Variants in PTPRS observed in about 807,000 individuals in gnomAD.
The protein encoded by PTPRS is protein tyrosine phosphatase receptor type S.
In PTPRS, 63 loss-of-function variants were observed where a neutral mutation model predicts 215.3. The observed-to-expected ratio is 0.29, with a 90% CI of 0.24 to 0.36. The LOEUF (loss-of-function observed/expected upper bound fraction) is 0.36. Ranked by LOEUF, PTPRS falls within the 10% of genes least tolerant of loss-of-function variation. The probability of loss-of-function intolerance (pLI) is 1.00; values close to 1 mark genes in which losing one functional copy is unlikely to be tolerated. For missense variants in PTPRS, 2,258 were observed against 2,825.8 expected, an observed-to-expected ratio of 0.80 and a Z score of 4.56; for synonymous variants, 1,404 against 1,191.4, an observed-to-expected ratio of 1.18 and a Z score of -3.68.
At chr19:5,265,352 C>T (rs536237243) in intron 4 of PTPRS, among the ~76,000 whole-genome samples, 156 bp from the exon 5 acceptor site, 18 of 152,208 alleles carry the variant, frequency 1.2e-4, no homozygotes, top group Non-Finnish European at 2.1e-4. Flanking sequence ...AGTTCTCTCT[C>T]TTTTTTTGAG....
intron 22 of PTPRS, 57 bp downstream of exon 22, chr19:5,219,882 G>T: frequency 6.4e-7 from 1 of 1,556,722 alleles, no homozygotes; most frequent in Non-Finnish European, 8.8e-7. Context: ...CTGGGGAATG[G>T]GGTCTGCCTC....
At position 5,257,867 on chromosome 19, in the gene PTPRS, C is replaced by T. The variant is rs1235102087; in HGVS notation, c.706+150G>A. ...GAAACTAAGGCCCAGAGAGGGACGC[C>T]GCCTCGGCCAAGGTCCCACCGCGAC... is the stretch of plus-strand genomic sequence containing the variant. On this transcript the variant is annotated intron_variant, in intron 8 of 37. Transcript: ENST00000262963. This position sits in a 1 kb window ranked among gnomAD's most constrained non-coding sequence, Gnocchi z 4.4. The T allele has an allele frequency of 9.5e-6, 6 of 632,150 alleles. No homozygotes were observed. The highest frequency in any genetic ancestry group is 3.9e-5 in the South Asian group (2 of 51,550). 39.2% of individuals were successfully genotyped at this position (632,150 alleles called of 1,614,324 possible).
At chr19:5,224,728 T>C (rs1025609142) in intron 17 of PTPRS, among the ~76,000 whole-genome samples, 1 of 151,876 alleles carries the variant, frequency 6.6e-6, no homozygotes, top group Non-Finnish European at 1.5e-5. Flanking sequence ...AGTGCCCTGC[T>C]GGCTAGAAGA....
intron 1 of PTPRS, among the ~76,000 whole-genome samples, chr19:5,313,213 G>A (rs747554777): frequency 2.6e-5 from 4 of 152,306 alleles, no homozygotes; most frequent in Non-Finnish European, 4.4e-5. Context: ...CACCGTGCCC[G>A]GTCCTGGCCT....
At chr19:5,265,405 G>A (rs565619033) in intron 4 of PTPRS, among the ~76,000 whole-genome samples, 2 of 152,094 alleles carry the variant, frequency 1.3e-5, no homozygotes, top group East Asian at 1.9e-4. Flanking sequence ...ACAGTGGCTC[G>A]ATCATAGCTC....
In PTPRS at chr19:5,232,678, C is replaced by A. The variant is rs545843885; in HGVS notation, c.1850-1063G>T. On this transcript the variant is annotated intron_variant, in intron 13 of 37. Coordinates refer to ENST00000262963, the MANE Select transcript of PTPRS (RefSeq NM_002850.4). Reference sequence around the variant, plus strand: ...TGCCAAGGGGAATGGCAACAGAAGCCCCATTAGGCACCTACTGTGTGCCAG... The same window carrying A: ...TGCCAAGGGGAATGGCAACAGAAGCACCATTAGGCACCTACTGTGTGCCAG... Among the ~76,000 whole-genome samples the A allele has an allele frequency of 8.5e-5, 11 of 129,546 alleles. No individual in the cohort carries two copies. The South Asian group carries it at 2.8e-3, about 33-fold the overall frequency. The allele number at this position is 129,546 out of a possible 152,430, so 85.0% of individuals were successfully genotyped here. A position where few individuals can be genotyped will look rare whatever the true frequency, so the allele number is the denominator to read the frequency against.
At chr19:5,273,678 A>G (rs2047112560) in intron 3 of PTPRS, 95 bp from the exon 4 acceptor site, 2 of 1,440,350 alleles carry the variant, frequency 1.4e-6, no homozygotes, top group African/African-American at 2.8e-5. Context: ...GGGGAATGGC[A>G]GTCAGCCCCA....
At chr19:5,220,659 T>G (rs1362902283) in intron 20 of PTPRS, among the ~76,000 whole-genome samples, 2 of 152,196 alleles carry the variant, frequency 1.3e-5, no homozygotes, top group Non-Finnish European at 2.9e-5. Flanking sequence ...CTTCTCTGCC[T>G]CTGAGGCAGA....
Position 5,210,319 on chromosome 19 carries a change from G to T in PTPRS, c.5487+150C>A. ...CCTCTCTTCCACCTATGTGGCAGTA[G>T]AAGCAAGTGGCCAACTGGTCAGCTG... On this transcript the variant is annotated intron_variant, in intron 35 of 37. Transcript: ENST00000262963. The surrounding 1 kb of genome is among the most constrained non-coding windows in gnomAD (Gnocchi z 4.5). The T allele has an allele frequency of 8.9e-7, 1 of 1,129,174 alleles. No individual in the cohort carries two copies. The highest frequency in any genetic ancestry group is 1.3e-6 in the Non-Finnish European group (1 of 780,740). 69.9% of individuals were successfully genotyped at this position (1,129,174 alleles called of 1,614,324 possible). A position where few individuals can be genotyped will look rare whatever the true frequency, so the allele number is the denominator to read the frequency against.
In PTPRS at chr19:5,206,691, G is replaced by A; in HGVS notation, c.*83C>T. The A allele has an allele frequency of 8.0e-7, 1 of 1,245,364 alleles. No individual in the cohort carries two copies. The highest frequency in any genetic ancestry group is 1.2e-6 in the Non-Finnish European group (1 of 853,906). 77.1% of individuals were successfully genotyped at this position (1,245,364 alleles called of 1,614,324 possible). ...CTGCCACCTCCTGCCCTGCCCACTGGGGGTCCAGGCCTCAGGAGGTCCGCC... is the reference window on the plus strand; with the variant it reads ...CTGCCACCTCCTGCCCTGCCCACTGAGGGTCCAGGCCTCAGGAGGTCCGCC... On this transcript the variant is annotated 3_prime_UTR_variant, in exon 38 of 38. Coordinates refer to ENST00000262963, the MANE Select transcript of PTPRS (RefSeq NM_002850.4).
At chr19:5,231,259 G>A (rs749118210) in intron 14 of PTPRS, 51 bp downstream of exon 14, 1 of 1,530,936 alleles carries the variant, frequency 6.5e-7, no homozygotes, top group Non-Finnish European at 8.8e-7. Context: ...CTTCGAGGCG[G>A]GGGCCGGGCT....
Position 5,274,279 on chromosome 19 carries a change from C to T in PTPRS, c.157G>A (p.Val53Met), listed in dbSNP as rs368676720. The T allele has an allele frequency of 2.4e-5, 38 of 1,613,586 alleles. No homozygotes were observed. The highest frequency in any genetic ancestry group is 4.5e-5 in the East Asian group (2 of 44,866). Residue 53 changes from valine (V) to methionine (M), a missense_variant, in exon 3 of 38, where the codon GTG becomes ATG. Around this residue, in one of 6 missense-constraint regions of PTPRS, gnomAD observed 508 missense variants for 799.4 expected, o/e 0.64. Coordinates refer to ENST00000262963, the MANE Select transcript of PTPRS (RefSeq NM_002850.4). Reference sequence around the variant, plus strand: ...TTGGGGTCACCCGTGGCCTGACACACGAAAGAGGCCACACCCCCCGACACG... The same window carrying T: ...TTGGGGTCACCCGTGGCCTGACACATGAAAGAGGCCACACCCCCCGACACG... ...IGVSGGVASFVCQATGDPKPR... is the reference protein window; with the variant it reads ...IGVSGGVASFMCQATGDPKPR...
intron 1 of PTPRS, among the ~76,000 whole-genome samples, chr19:5,300,537 G>C (rs896323393): frequency 1.3e-5 from 2 of 151,990 alleles, no homozygotes. Context: ...TTGGGAGGCC[G>C]AGGTGGACAG....
At chr19:5,297,747 T>C (rs188304493) in intron 1 of PTPRS, among the ~76,000 whole-genome samples, 10 of 151,554 alleles carry the variant, frequency 6.6e-5, no homozygotes, top group Admixed American at 5.3e-4. Flanking sequence ...GCAAATACGA[T>C]GGCCCTGAGG....
chr19:5,304,311 T>A (rs1018726413), intron 1 of PTPRS, among the ~76,000 whole-genome samples: 5 of 151,386 alleles, frequency 3.3e-5, no homozygotes, highest in African/African-American at 7.3e-5. Context: ...CTAAAAAAAA[T>A]AAGAAATAAA....
At chr19:5,275,668 T>C (rs559662396) in intron 2 of PTPRS, among the ~76,000 whole-genome samples, 2 of 152,080 alleles carry the variant, frequency 1.3e-5, no homozygotes, top group East Asian at 1.9e-4. Context: ...TAGCCAGACA[T>C]AGTGGTGGGC....
chr19:5,206,652 C>T lies in PTPRS; in HGVS notation c.*122G>A. 1 of 831,788 alleles carries T rather than the reference C, an allele frequency of 1.2e-6. No individual in the cohort carries two copies. Among genetic ancestry groups the T allele is most frequent in the Non-Finnish European group, 2.0e-6 (1 of 511,526 alleles). 51.5% of individuals were successfully genotyped at this position (831,788 alleles called of 1,614,324 possible). ...GTCGTCCTCGGAAATGGTGCAGAAACACAGCTGCTGCCGCTGCCACCTCCT... is the reference window on the plus strand; with the variant it reads ...GTCGTCCTCGGAAATGGTGCAGAAATACAGCTGCTGCCGCTGCCACCTCCT... On this transcript the variant is annotated 3_prime_UTR_variant, in exon 38 of 38. Transcript: ENST00000262963.
At chr19:5,218,344 C>G in intron 25 of PTPRS, 76 bp downstream of exon 25, 1 of 1,395,766 alleles carries the variant, frequency 7.2e-7, no homozygotes, top group Non-Finnish European at 9.9e-7. Flanking sequence ...GAGGGGCCCC[C>G]AGGGTGGCAG....
chr19:5,290,928 G>A (rs533204638), intron 1 of PTPRS, among the ~76,000 whole-genome samples: 1 of 152,024 alleles, frequency 6.6e-6, no homozygotes, highest in East Asian at 2.0e-4. Flanking sequence ...GGGACAGGCA[G>A]CGAGGGCCCC....
Sources: allele counts gnomAD v4.1 joint callset (sites outside exome capture counted in the v4.1 genomes callset), GRCh38; gene constraint gnomAD v4.1.1; regional missense constraint gnomAD v4.1.1; non-coding constraint Gnocchi (gnomAD v3.1); transcripts MANE v1.5; gene names NCBI Gene and HGNC (gene_info 2026-07-23, HGNC 2026-07-21).